Variants in CREB5 observed in about 807,000 individuals in gnomAD.
CREB5 encodes the protein cyclic AMP-responsive element-binding protein 5.
Under a neutral mutation model 57.1 loss-of-function variants are expected in CREB5, and 19 were observed. The observed-to-expected ratio is 0.33, with a 90% CI of 0.23 to 0.49. CREB5 has a LOEUF of 0.49. CREB5 is among the 20% of genes least tolerant of loss of function. The pLI is 0.99. For missense variants in CREB5, 579 were observed against 671.6 expected (o/e 0.86, Z 1.52); for synonymous variants, 238 against 238.3 (o/e 1.00, Z 0.01).
At chr7:28,701,681 T>G (rs1759443532) in intron 5 of CREB5, among the ~76,000 whole-genome samples, 1 of 152,202 alleles carries the variant, frequency 6.6e-6, no homozygotes, top group Non-Finnish European at 1.5e-5. Flanking sequence ...GCTGCCCAAG[T>G]TGTTCACATA....
intron 5 of CREB5, among the ~76,000 whole-genome samples, chr7:28,667,703 A>G (rs1027058690): frequency 6.6e-6 from 1 of 152,210 alleles, no homozygotes; most frequent in Non-Finnish European, 1.5e-5. Context: ...AAGTTTGCAA[A>G]TAAAAATTTT....
At chr7:28,581,908 G>T (rs1796137339) in intron 5 of CREB5, among the ~76,000 whole-genome samples, 1 of 152,130 alleles carries the variant, frequency 6.6e-6, no homozygotes, top group African/African-American at 2.4e-5. Context: ...GTAGTGCCAG[G>T]GTGGGGTGAG....
At chr7:28,484,900 A>G (rs976166826) in intron 1 of CREB5, among the ~76,000 whole-genome samples, 1 of 152,230 alleles carries the variant, frequency 6.6e-6, no homozygotes, top group Non-Finnish European at 1.5e-5. Context: ...AGACAGTAGA[A>G]TCTATGTGGC....
At chr7:28,355,086 A>T (rs911808515) in intron 1 of CREB5, among the ~76,000 whole-genome samples, 1 of 152,232 alleles carries the variant, frequency 6.6e-6, no homozygotes, top group African/African-American at 2.4e-5. Flanking sequence ...GGAAAGTCAC[A>T]TGCATTAATG....
intron 1 of CREB5, among the ~76,000 whole-genome samples, chr7:28,430,198 C>T (rs1015494608): frequency 1.2e-4 from 19 of 152,220 alleles, no homozygotes; most frequent in African/African-American, 3.9e-4. Flanking sequence ...ATTGATCGAT[C>T]GATGTGTGAA....
At chr7:28,556,306 A>C (rs987006507) in intron 4 of CREB5, among the ~76,000 whole-genome samples, 1 of 152,214 alleles carries the variant, frequency 6.6e-6, no homozygotes, top group Non-Finnish European at 1.5e-5. Flanking sequence ...ATGTAGACAG[A>C]TAGGAAGCTG....
chr7:28,587,869 C>G (rs1183197689), intron 5 of CREB5, among the ~76,000 whole-genome samples: 1 of 152,188 alleles, frequency 6.6e-6, no homozygotes, highest in Non-Finnish European at 1.5e-5. Flanking sequence ...CCTAAAATGT[C>G]TCCATGGGCA....
chr7:28,785,323 C>A lies in CREB5; in HGVS notation c.703-18876C>A, dbSNP rs1317703786. ...TCGCCTTGTGTAATAATATACAAAT[C>A]ATCTGCATGGAACGGCCCAGAACTG... is the stretch of plus-strand genomic sequence containing the variant. On this transcript the variant is annotated intron_variant, in intron 7 of 10. Coordinates refer to ENST00000357727, the MANE Select transcript of CREB5 (RefSeq NM_182898.4). Among the ~76,000 whole-genome samples the A allele has an allele frequency of 2.6e-5, 4 of 152,184 alleles. No homozygotes were observed. The East Asian group carries it at 7.7e-4, about 29-fold the overall frequency.
intron 5 of CREB5, among the ~76,000 whole-genome samples, chr7:28,701,568 A>G (rs1801862298): frequency 6.6e-6 from 1 of 152,016 alleles, no homozygotes. Flanking sequence ...CTTACTACAT[A>G]CTCGTCTACA....
chr7:28,357,344 T>C (rs1786366608), intron 1 of CREB5, among the ~76,000 whole-genome samples: 1 of 152,194 alleles, frequency 6.6e-6, no homozygotes, highest in East Asian at 1.9e-4. Flanking sequence ...TGAGTTTCCT[T>C]TCTTTTCTTG....
chr7:28,348,719 C>T (rs1002706297), intron 1 of CREB5, among the ~76,000 whole-genome samples: 8 of 152,052 alleles, frequency 5.3e-5, no homozygotes, highest in South Asian at 2.1e-4. Context: ...CCCAAAGGTC[C>T]GCTAGCTTTC....
At chr7:28,533,060 G>T (rs548330456) in intron 4 of CREB5, among the ~76,000 whole-genome samples, 1 of 152,314 alleles carries the variant, frequency 6.6e-6, no homozygotes, top group African/African-American at 2.4e-5. Flanking sequence ...TTCAAGACCA[G>T]CCTGACCATG....
intron 1 of CREB5, among the ~76,000 whole-genome samples, chr7:28,307,554 T>C (rs1487748315): frequency 2.0e-5 from 3 of 152,204 alleles, no homozygotes; most frequent in Non-Finnish European, 4.4e-5. Flanking sequence ...GTCTAAGGTG[T>C]TTTACTATAG....
intron 1 of CREB5, among the ~76,000 whole-genome samples, chr7:28,390,785 C>T (rs1787200922): frequency 6.6e-6 from 1 of 152,082 alleles, no homozygotes; most frequent in Non-Finnish European, 1.5e-5. Flanking sequence ...CTAGCATTTT[C>T]TTGATGCTCT....
At chr7:28,307,247 C>G (rs73686130) in intron 1 of CREB5, among the ~76,000 whole-genome samples, 4,227 of 152,222 alleles carry the variant, frequency 0.028, 194 homozygotes, top group African/African-American at 0.096. Flanking sequence ...CTTAATACCC[C>G]TGGTGGTACT....
chr7:28,586,838 G>A (rs1421859163), intron 5 of CREB5, among the ~76,000 whole-genome samples: 1 of 152,238 alleles, frequency 6.6e-6, no homozygotes, highest in African/African-American at 2.4e-5. Flanking sequence ...CTCAGGGCAT[G>A]TTTGTCCATC....
At chr7:28,562,840 A>G (rs1462641332) in intron 4 of CREB5, among the ~76,000 whole-genome samples, 2 of 152,194 alleles carry the variant, frequency 1.3e-5, no homozygotes, top group African/African-American at 2.4e-5. Context: ...TTAATTAATC[A>G]CTTATTTATA....
At chr7:28,329,349 G>C (rs1785670473) in intron 1 of CREB5, among the ~76,000 whole-genome samples, 1 of 152,152 alleles carries the variant, frequency 6.6e-6, no homozygotes, top group South Asian at 2.1e-4. Flanking sequence ...GGCTGTGTTT[G>C]CATTTCCAGA....
At chr7:28,330,401 CTT>C (rs10699932) in intron 1 of CREB5, among the ~76,000 whole-genome samples, 1 of 88,528 alleles carries the variant, frequency 1.1e-5, no homozygotes, top group Admixed American at 1.3e-4. Flanking sequence ...GAGAACCTTA[CTT>C]TTTTTTTTTT....
Sources: allele counts gnomAD v4.1 joint callset (sites outside exome capture counted in the v4.1 genomes callset), GRCh38; gene constraint gnomAD v4.1.1; transcripts MANE v1.5; gene names NCBI Gene and HGNC (gene_info 2026-07-23, HGNC 2026-07-21).